The following NAALADL2 variants were observed in gnomAD, a reference collection of about 807,000 sequenced individuals.
NAALADL2 encodes inactive N-acetylated-alpha-linked acidic dipeptidase-like protein 2.
In NAALADL2, 76 loss-of-function variants were observed where a neutral mutation model predicts 87.2. The observed-to-expected ratio is 0.87, with a 90% CI of 0.72 to 1.05. The LOEUF (loss-of-function observed/expected upper bound fraction) is 1.05. Ranked by LOEUF, NAALADL2 falls within the 50% of genes least tolerant of loss-of-function variation. NAALADL2 has a pLI of 0.00. For missense variants in NAALADL2, 1,089 were observed against 945.8 expected, an observed-to-expected ratio of 1.15 and a Z score of -1.99; for synonymous variants, 354 against 331.0, an observed-to-expected ratio of 1.07 and a Z score of -0.75.
intron 2 of NAALADL2, among the ~76,000 whole-genome samples, chr3:174,603,999 G>T (rs549070306): frequency 6.6e-6 from 1 of 152,110 alleles, no homozygotes; most frequent in Non-Finnish European, 1.5e-5. Flanking sequence ...TATCCTTGAG[G>T]ATGGTCCAAG....
chr3:175,444,022 A>G (rs1720265795), intron 5 of NAALADL2, among the ~76,000 whole-genome samples: 1 of 152,120 alleles, frequency 6.6e-6, no homozygotes, highest in African/African-American at 2.4e-5. Flanking sequence ...AACATGGGGG[A>G]CGTGGCTCAT....
intron 2 of NAALADL2, among the ~76,000 whole-genome samples, chr3:174,636,209 A>AG (rs746702900): frequency 1.4e-4 from 22 of 152,334 alleles, no homozygotes; most frequent in African/African-American, 4.8e-4. Flanking sequence ...AAGGACTGAA[A>AG]CATAATACCT....
At chr3:174,780,088 T>C (rs1405421600) in intron 3 of NAALADL2, among the ~76,000 whole-genome samples, 1 of 152,230 alleles carries the variant, frequency 6.6e-6, no homozygotes, top group African/African-American at 2.4e-5. Context: ...TTATATTGAT[T>C]CTTTCTGTCC....
At chr3:175,594,688 A>G (rs573637721) in intron 10 of NAALADL2, among the ~76,000 whole-genome samples, 1 of 152,178 alleles carries the variant, frequency 6.6e-6, no homozygotes, top group Admixed American at 6.5e-5. Context: ...CTTTTTAATT[A>G]TAGCCATACT....
At chr3:175,207,671 A>G (rs1580931358) in intron 2 of NAALADL2, among the ~76,000 whole-genome samples, 1 of 152,162 alleles carries the variant, frequency 6.6e-6, no homozygotes, top group East Asian at 1.9e-4. Context: ...TTCTTTGATT[A>G]TTCCTTCATT....
chr3:175,272,046 C>T (rs182864110), intron 4 of NAALADL2, among the ~76,000 whole-genome samples: 6 of 152,158 alleles, frequency 3.9e-5, no homozygotes, highest in African/African-American at 1.2e-4. Flanking sequence ...CTTTAGATCA[C>T]GTTAGCCCCT....
chr3:174,689,734 C>T (rs1037609085), intron 2 of NAALADL2, among the ~76,000 whole-genome samples: 28 of 152,062 alleles, frequency 1.8e-4, no homozygotes, highest in Non-Finnish European at 3.5e-4. Context: ...CAATGCTTTG[C>T]ACATAGTAGG....
rs142745147 is a variant in NAALADL2, at chr3:175,214,144, A to G, written c.546-19787A>G. Among the ~76,000 whole-genome samples the G allele has an allele frequency of 4.5e-3, 691 of 152,314 alleles. 4 individuals carry two copies. The highest frequency in any genetic ancestry group is 0.016 in the African/African-American group (662 of 41,576). On this transcript the variant is annotated intron_variant, in intron 2 of 13. Coordinates refer to ENST00000454872, the MANE Select transcript of NAALADL2 (RefSeq NM_207015.3). ...AGATATTTGGAGAAGAAATACTGGC[A>G]TTGCTTTTATGTTGATAGGTTGTGT...
chr3:174,869,602 T>G (rs1469815904), intron 1 of NAALADL2, among the ~76,000 whole-genome samples: 1 of 152,180 alleles, frequency 6.6e-6, no homozygotes, highest in Non-Finnish European at 1.5e-5. Flanking sequence ...GGTGAGTTTA[T>G]TTGGCTAAGA....
intron 1 of NAALADL2, among the ~76,000 whole-genome samples, chr3:174,978,727 A>C (rs1021953224): frequency 1.3e-5 from 2 of 152,248 alleles, no homozygotes; most frequent in African/African-American, 4.8e-5. Context: ...AAATGTGATT[A>C]AACATAAATT....
intron 2 of NAALADL2, among the ~76,000 whole-genome samples, chr3:174,615,569 A>G (rs948683873): frequency 3.3e-5 from 5 of 152,152 alleles, no homozygotes; most frequent in Non-Finnish European, 7.4e-5. Flanking sequence ...GCCTGAGGAA[A>G]AAGTTGCAGG....
intron 3 of NAALADL2, among the ~76,000 whole-genome samples, chr3:174,744,105 T>C (rs908703051): frequency 2.6e-5 from 4 of 151,944 alleles, no homozygotes; most frequent in Non-Finnish European, 5.9e-5. Context: ...CTCATAATGA[T>C]GTTCAAGTCC....
chr3:175,439,359 G>A (rs1719303644), intron 5 of NAALADL2, among the ~76,000 whole-genome samples: 1 of 151,898 alleles, frequency 6.6e-6, no homozygotes, highest in African/African-American at 2.4e-5. Context: ...TGGATACTCA[G>A]GAGTGGGGTT....
At chr3:174,957,020 C>T (rs887444174) in intron 1 of NAALADL2, among the ~76,000 whole-genome samples, 1 of 151,964 alleles carries the variant, frequency 6.6e-6, no homozygotes, top group African/African-American at 2.4e-5. Context: ...TCTGTAGCTT[C>T]AGTCACTCTG....
intron 10 of NAALADL2, among the ~76,000 whole-genome samples, chr3:175,615,501 G>T (rs1477503969): frequency 6.6e-6 from 1 of 152,136 alleles, no homozygotes; most frequent in Non-Finnish European, 1.5e-5. Flanking sequence ...CTGAGGCACA[G>T]ATAATTTAAG....
intron 4 of NAALADL2, among the ~76,000 whole-genome samples, chr3:175,323,671 AG>A (rs993993356): frequency 1.3e-5 from 2 of 151,306 alleles, no homozygotes; most frequent in African/African-American, 4.9e-5. Context: ...AAAAAAAAAA[AG>A]GCCAGTAGAA....
At chr3:174,726,923 A>T (rs13084222) in intron 2 of NAALADL2, among the ~76,000 whole-genome samples, 16,240 of 152,058 alleles carry the variant, frequency 0.11, 1,135 homozygotes, top group Non-Finnish European at 0.17. Context: ...CCCCTTTCTG[A>T]TTCACAACTT....
intron 2 of NAALADL2, among the ~76,000 whole-genome samples, chr3:175,187,493 TTTA>T (rs1180531953): frequency 6.6e-6 from 1 of 152,164 alleles, no homozygotes; most frequent in Non-Finnish European, 1.5e-5. Flanking sequence ...TCCTCAAGCT[TTTA>T]TTTTTTGTTC....
chr3:174,927,696 C>T (rs1015962412), intron 1 of NAALADL2, among the ~76,000 whole-genome samples: 2 of 152,120 alleles, frequency 1.3e-5, no homozygotes, highest in African/African-American at 2.4e-5. Context: ...ATCTCTGGGA[C>T]ACATTTAAAG....
Sources: gnomAD v4.1 joint callset for allele counts (sites outside exome capture counted in the v4.1 genomes callset) on GRCh38, gnomAD v4.1.1 for gene constraint, MANE v1.5 for transcripts, NCBI Gene and HGNC (gene_info 2026-07-23, HGNC 2026-07-21) for gene names.